The following LUZP2 variants were observed in gnomAD, a reference collection of about 807,000 sequenced individuals.
LUZP2 encodes the protein leucine zipper protein 2.
In LUZP2, 52 loss-of-function variants were observed where a neutral mutation model predicts 51.6. That is an observed-to-expected ratio of 1.01 (90% CI 0.81 to 1.27). The LOEUF (loss-of-function observed/expected upper bound fraction) is 1.27. LUZP2 is among the 50% of genes most tolerant of loss of function. The pLI, the probability that LUZP2 is intolerant of heterozygous loss-of-function variation, is 0.00. For synonymous variants in LUZP2, 154 were observed against 137.3 expected (o/e 1.12, Z -0.85); for missense variants, 436 against 395.4 (o/e 1.10, Z -0.87).
chr11:24,659,689 G>A (rs1181934436), intron 1 of LUZP2, among the ~76,000 whole-genome samples: 1 of 151,866 alleles, frequency 6.6e-6, no homozygotes, highest in Non-Finnish European at 1.5e-5. Flanking sequence ...TGCATAAGAT[G>A]AAAAAAATTG....
intron 9 of LUZP2, among the ~76,000 whole-genome samples, chr11:25,009,653 G>A (rs77875218): frequency 0.074 from 11,238 of 151,952 alleles, 1,358 homozygotes; most frequent in African/African-American, 0.25. Context: ...TCTATTTTTC[G>A]TTTTACCTCA....
chr11:24,949,624 G>T (rs963476799), intron 7 of LUZP2, among the ~76,000 whole-genome samples: 1 of 151,578 alleles, frequency 6.6e-6, no homozygotes, highest in East Asian at 1.9e-4. Flanking sequence ...ACTGTACTGT[G>T]TGCTTCCTCA....
At chr11:25,062,539 A>C (rs1363214233) in intron 10 of LUZP2, among the ~76,000 whole-genome samples, 1 of 143,884 alleles carries the variant, frequency 7.0e-6, no homozygotes, top group African/African-American at 2.6e-5. Context: ...ACAGTGAGCT[A>C]TCATCACGCC....
intron 1 of LUZP2, among the ~76,000 whole-genome samples, chr11:24,603,733 A>G (rs569133052): frequency 1.3e-3 from 190 of 151,886 alleles, no homozygotes; most frequent in African/African-American, 4.4e-3. Context: ...TTAGCAGAAC[A>G]TGTGGATAAG....
chr11:24,604,220 A>G (rs1041306660), intron 1 of LUZP2, among the ~76,000 whole-genome samples: 1 of 151,848 alleles, frequency 6.6e-6, no homozygotes, highest in African/African-American at 2.4e-5. Context: ...AGTAGAAAGC[A>G]TAAATTATTT....
At chr11:25,067,814 A>G (rs913409646) in intron 10 of LUZP2, among the ~76,000 whole-genome samples, 18 of 151,950 alleles carry the variant, frequency 1.2e-4, no homozygotes, top group Admixed American at 2.6e-4. Flanking sequence ...CAGTCCCATT[A>G]CTATGTACCC....
chr11:24,523,034 G>A (rs1318220073), intron 1 of LUZP2, among the ~76,000 whole-genome samples: 1 of 151,826 alleles, frequency 6.6e-6, no homozygotes, highest in African/African-American at 2.4e-5. Flanking sequence ...TTGTTTCAAT[G>A]ATTATTTTAT....
intron 9 of LUZP2, among the ~76,000 whole-genome samples, chr11:25,044,769 T>C (rs886146478): frequency 9.2e-5 from 14 of 152,000 alleles, no homozygotes; most frequent in Non-Finnish European, 1.8e-4. Context: ...CGTATGTTTA[T>C]TGCGGCACTA....
At chr11:24,990,769 A>G (rs1856310694) in intron 9 of LUZP2, among the ~76,000 whole-genome samples, 2 of 151,994 alleles carry the variant, frequency 1.3e-5, no homozygotes, top group African/African-American at 4.8e-5. Context: ...AAAGTCAAGA[A>G]TATATATTTT....
At chr11:24,956,967 A>T (rs1331570870) in intron 7 of LUZP2, among the ~76,000 whole-genome samples, 1 of 152,168 alleles carries the variant, frequency 6.6e-6, no homozygotes, top group African/African-American at 2.4e-5. Flanking sequence ...TGCTAAAGTA[A>T]TATTCCACAG....
chr11:24,833,483 C>T (rs1409579474), intron 5 of LUZP2, among the ~76,000 whole-genome samples: 10 of 152,164 alleles, frequency 6.6e-5, no homozygotes, highest in Non-Finnish European at 4.4e-5. Flanking sequence ...GGCTGAGACT[C>T]ACAGTCAGGT....
intron 1 of LUZP2, among the ~76,000 whole-genome samples, chr11:24,724,562 C>G (rs923583080): frequency 3.9e-5 from 6 of 152,078 alleles, no homozygotes; most frequent in African/African-American, 1.4e-4. Context: ...CAGAGCCAGA[C>G]CCTGTCTCAA....
chr11:24,790,496 A>T (rs901099369), intron 5 of LUZP2, among the ~76,000 whole-genome samples: 1 of 150,668 alleles, frequency 6.6e-6, no homozygotes, highest in Non-Finnish European at 1.5e-5. Flanking sequence ...CTTTATTTTT[A>T]TTTATTTATT....
chr11:24,958,324 T>C (rs1383737403), intron 7 of LUZP2, among the ~76,000 whole-genome samples: 25 of 152,190 alleles, frequency 1.6e-4, no homozygotes, highest in Non-Finnish European at 1.8e-4. Context: ...TGAGGAATTG[T>C]CACACTGACT....
At chr11:24,957,006 T>G (rs1389199605) in intron 7 of LUZP2, among the ~76,000 whole-genome samples, 1 of 152,060 alleles carries the variant, frequency 6.6e-6, no homozygotes, top group Admixed American at 6.6e-5. Context: ...TTCCTTGGGG[T>G]AGGGTAGCAT....
intron 5 of LUZP2, among the ~76,000 whole-genome samples, chr11:24,824,510 A>G (rs1035708367): frequency 6.6e-6 from 1 of 151,476 alleles, no homozygotes; most frequent in South Asian, 2.1e-4. Flanking sequence ...TATGGTTTTT[A>G]TTCTATCTTA....
intron 9 of LUZP2, among the ~76,000 whole-genome samples, chr11:25,032,592 G>C (rs1277167548): frequency 6.6e-6 from 1 of 152,030 alleles, no homozygotes; most frequent in Non-Finnish European, 1.5e-5. Flanking sequence ...TAGAATCATG[G>C]AGAAGCTCTC....
chr11:24,926,329 A>ATATATATATGTGTG (rs1854244758), intron 7 of LUZP2, among the ~76,000 whole-genome samples: 1 of 23,110 alleles, frequency 4.3e-5, no homozygotes, highest in Non-Finnish European at 7.4e-5. Flanking sequence ...ACGTGTGTGT[A>ATATATATATGTGTG]TATATATATA....
chr11:24,923,752 G>A (rs560161625), intron 7 of LUZP2, among the ~76,000 whole-genome samples: 19 of 152,064 alleles, frequency 1.2e-4, no homozygotes, highest in Admixed American at 1.0e-3. Context: ...AATTCCTTGT[G>A]GGCCCCAAGG....
Sources: gnomAD v4.1 joint callset for allele counts (sites outside exome capture counted in the v4.1 genomes callset) on GRCh38, gnomAD v4.1.1 for gene constraint, MANE v1.5 for transcripts, NCBI Gene and HGNC (gene_info 2026-07-23, HGNC 2026-07-21) for gene names.